The following TMC6 variants were observed in gnomAD, a reference collection of about 807,000 sequenced individuals.
The protein encoded by TMC6 is transmembrane channel-like protein 6.
Under a neutral mutation model 95.4 loss-of-function variants are expected in TMC6, and 71 were observed. The ratio of observed to expected loss-of-function variants is 0.74; its 90% CI spans 0.61 to 0.91. The LOEUF is 0.91. Ranked by LOEUF, TMC6 falls within the 40% of genes least tolerant of loss-of-function variation. The pLI, the probability that TMC6 is intolerant of heterozygous loss-of-function variation, is 0.00. For missense variants in TMC6, 1,074 were observed against 1,079.1 expected (o/e 1.00, Z 0.07); for synonymous variants, 514 against 483.1 (o/e 1.06, Z -0.84).
chr17:78,124,703 C>G lies in TMC6; in HGVS notation c.712G>C (p.Gly238Arg). 1 of 1,598,742 alleles carries G rather than the reference C, an allele frequency of 6.3e-7. No individual in the cohort carries two copies. The highest frequency in any genetic ancestry group is 8.5e-7 in the Non-Finnish European group (1 of 1,173,154). Residue 238 changes from glycine (G) to arginine (R), a missense_variant, in exon 8 of 20, where the codon GGG becomes CGG. Transcript: ENST00000590602. ...AGCACGCTGGAGCCGAACTGGCCCC[C>G]GATGCGCTTCAGGGCGTAGCGCCAC... ...MPWRYALKRI[G>R]GQFGSSVLSY...
chr17:78,124,251 CA>C (rs1266746564), intron 8 of TMC6, 72 bp from the exon 9 acceptor site: 47 of 1,582,126 alleles, frequency 3.0e-5, no homozygotes, highest in Non-Finnish European at 4.1e-5. Context: ...CTGACAGCCA[CA>C]GGGGCAGAGC....
At chr17:78,123,461 G>A (rs757829480) in intron 9 of TMC6, among the ~76,000 whole-genome samples, 54 of 151,962 alleles carry the variant, frequency 3.6e-4, no homozygotes, top group Non-Finnish European at 6.6e-4. Flanking sequence ...ATGGATGCGT[G>A]GATGAATGAG....
At position 78,111,739 on chromosome 17, in the gene TMC6, G is replaced by C. The variant is rs1442004357; in HGVS notation, c.*1409C>G. On this transcript the variant is annotated 3_prime_UTR_variant, in exon 20 of 20. Transcript: ENST00000590602. Reference sequence around the variant, plus strand: ...CGTGGGGGTCTGCTAGCAGCCAGTGGCATCTCCATCTGGGTCTGACCCTTT... The same window carrying C: ...CGTGGGGGTCTGCTAGCAGCCAGTGCCATCTCCATCTGGGTCTGACCCTTT... 5.7e-6 allele frequency: 1 copy of C among 174,480 alleles called. No individual in the cohort carries two copies. Among genetic ancestry groups the C allele is most frequent in the African/African-American group, 2.4e-5 (1 of 41,614 alleles). 10.8% of individuals were successfully genotyped at this position (174,480 alleles called of 1,614,324 possible).
chr17:78,114,623 G>A (rs1301326314), intron 18 of TMC6, among the ~76,000 whole-genome samples: 4 of 152,056 alleles, frequency 2.6e-5, no homozygotes, highest in African/African-American at 9.7e-5. Flanking sequence ...ACAGAGAACA[G>A]GAGTTCTGTC....
At chr17:78,132,172 G>A, upstream of TMC6, 1 of 1,412,388 alleles carries the variant, frequency 7.1e-7, no homozygotes, top group Middle Eastern at 2.0e-4. Context: ...CACCCCTTCC[G>A]CCCGCAGGCA....
chr17:78,120,648 C>A lies in TMC6; in HGVS notation c.1715+5G>T. 1.2e-6 allele frequency: 2 copies of A among 1,614,040 alleles called. No individual in the cohort carries two copies. The highest frequency in any genetic ancestry group is 1.7e-6 in the Non-Finnish European group (2 of 1,180,020). On this transcript the variant is annotated splice_donor_5th_base_variant and intron_variant, in intron 13 of 19. Coordinates refer to ENST00000590602, the MANE Select transcript of TMC6 (RefSeq NM_001127198.5). ...CACCACCCAGTCCGCCCAGGACCCCCTCACCTCCACACCAGTTCCCCAAAA... is the reference window on the plus strand; with the variant it reads ...CACCACCCAGTCCGCCCAGGACCCCATCACCTCCACACCAGTTCCCCAAAA...
chr17:78,113,192 C>G lies in TMC6; in HGVS notation c.2374G>C (p.Ala792Pro). Residue 792 changes from alanine to proline, a missense_variant, in exon 20 of 20, where the codon GCT becomes CCT. Physicochemically the swap from Ala to Pro is conservative, Grantham distance 27 (BLOSUM62 -1). Coordinates refer to ENST00000590602, the MANE Select transcript of TMC6 (RefSeq NM_001127198.5). ...GTGAGCAGGGCAGGGGGTGCCGCAG[C>G]CTCCTCGGTTGTCCCAACCCTGCCA... Reference protein sequence around the residue: ...ERSRVGTTEEAAAPPALLTDE... With the variant: ...ERSRVGTTEEPAAPPALLTDE... The G allele has an allele frequency of 6.4e-7, 1 of 1,557,264 alleles. No individual in the cohort carries two copies. The highest frequency in any genetic ancestry group is 8.7e-7 in the Non-Finnish European group (1 of 1,149,424).
rs373629998 is a variant in TMC6, at chr17:78,119,415, G to C, written c.1716-23C>G. 157 of 1,612,932 alleles carry C rather than the reference G, an allele frequency of 9.7e-5. No homozygotes were observed. The African/African-American group carries it at 1.7e-3, about 17-fold the overall frequency. On this transcript the variant is annotated intron_variant, in intron 13 of 19. Coordinates refer to ENST00000590602, the MANE Select transcript of TMC6 (RefSeq NM_001127198.5). ...ATCCTGCCTCCGAGGACCCCGGATC[G>C]TTAGATGGGAAAGCCATGCCCAGGG...
rs368037760 is a variant in TMC6, at chr17:78,126,536, G to A, written c.169C>T (p.Arg57Trp). The change falls in exon 3 of 20, where the codon CGG (arginine) becomes TGG (tryptophan). Residue 57 changes from arginine (R) to tryptophan (W), a missense_variant. Transcript: ENST00000590602. Reference sequence around the variant, plus strand: ...GGCCTGAGCTCACCTGTCACCTCCCGCTCTCTCTGCTGCAGCTCCAGCCCC... The same window carrying A: ...GGCCTGAGCTCACCTGTCACCTCCCACTCTCTCTGCTGCAGCTCCAGCCCC... ...QEGLELQQREREVTGSSQQTL... is the reference protein window; with the variant it reads ...QEGLELQQREWEVTGSSQQTL... The A allele has an allele frequency of 1.2e-5, 20 of 1,613,364 alleles. No homozygotes were observed. The highest frequency in any genetic ancestry group is 8.8e-5 in the South Asian group (8 of 91,080).
At chr17:78,120,905 G>C in intron 12 of TMC6, 73 bp from the exon 13 acceptor site, 4 of 1,611,430 alleles carry the variant, frequency 2.5e-6, no homozygotes, top group Non-Finnish European at 3.4e-6. Context: ...GCCCCCACCA[G>C]GGGCTTGGTC....
rs201062684 is a variant in TMC6, at chr17:78,114,135, G to GC, written c.2278-512dup. On this transcript the variant is annotated intron_variant, in intron 18 of 19. Transcript: ENST00000590602. ...TGGGCTCCAGTCAAGCATGATCAGG[G>GC]CTACATTCCTCCCGGAGGCTTCGGG... Among the ~76,000 whole-genome samples the GC allele has an allele frequency of 3.5e-4, 54 of 152,268 alleles. No individual in the cohort carries two copies. In the East Asian group the frequency reaches 0.01, roughly 29 times the overall value.
Position 78,117,852 on chromosome 17 carries a change from G to A in TMC6, c.1971C>T (p.Cys657=). The change falls in exon 16 of 20, where the codon TGC becomes TGT. Residue 657 remains cysteine (C), a synonymous_variant. Transcript: ENST00000590602. The part of the protein sequence containing the change: ...HMSTVFLTLL[C]FPAFLGAAVF... ...CAGCGGCGCCCAGGAAGGCGGGGAA[G>A]CAGAGCAGCGTGAGGAAGACGGTGC... The A allele has an allele frequency of 6.2e-7, 1 of 1,608,124 alleles. No homozygotes were observed. The highest frequency in any genetic ancestry group is 1.7e-4 in the Middle Eastern group (1 of 6,048).
rs146359867 is a variant in TMC6, at chr17:78,121,881, C to T, written c.1228-170G>A. ...GCCCTTTCATCTGCTGAGGGCCCTC[C>T]CTCCAGGCGCAGAGAGGACCCAGTC... On this transcript the variant is annotated intron_variant, in intron 10 of 19. Coordinates refer to ENST00000590602, the MANE Select transcript of TMC6 (RefSeq NM_001127198.5). This position sits in a 1 kb window ranked among gnomAD's most constrained non-coding sequence, Gnocchi z 5.6. 6.6e-6 allele frequency among the ~76,000 whole-genome samples: 1 copy of T among 152,294 alleles called. No individual in the cohort carries two copies. The highest frequency in any genetic ancestry group is 1.9e-4 in the East Asian group (1 of 5,164).
Position 78,113,199 on chromosome 17 carries a change from G to A in TMC6, c.2367C>T (p.Thr789=), listed in dbSNP as rs747353503. Residue 789 remains threonine, a synonymous_variant, in exon 20 of 20, where the codon ACC becomes ACT. Transcript: ENST00000590602. The part of the protein sequence containing the change: ...EREERSRVGT[T]EEAAAPPALL... ...GGGCAGGGGGTGCCGCAGCCTCCTC[G>A]GTTGTCCCAACCCTGCCAGAAAGAG... 1.9e-5 allele frequency: 29 copies of A among 1,556,632 alleles called. No individual in the cohort carries two copies. Among genetic ancestry groups the A allele is most frequent in the Middle Eastern group, 1.7e-4 (1 of 5,996 alleles).
At chr17:78,119,851 T>C in intron 13 of TMC6, 2 of 345,930 alleles carry the variant, frequency 5.8e-6, no homozygotes, top group Non-Finnish European at 1.1e-5. Context: ...TCTCACTCTG[T>C]TGCCGAGGCT....
chr17:78,124,390 G>T, intron 8 of TMC6, 134 bp downstream of exon 8: 1 of 1,446,690 alleles, frequency 6.9e-7, no homozygotes, highest in Non-Finnish European at 9.4e-7. Flanking sequence ...GAGGCGGGGA[G>T]CTGGCTGTGG....
At position 78,109,377 on chromosome 17, in the gene TMC6, G is replaced by C. The variant is rs572502733; in HGVS notation, c.*3771C>G. ...CCAAGAAAACCTACGCAGGATCCAC[G>C]TGGAAACAAAGCTGCTTAGCTCTGC... On this transcript the variant is annotated 3_prime_UTR_variant, in exon 20 of 20. Transcript: ENST00000590602. 6.7e-5 allele frequency: 30 copies of C among 448,490 alleles called. No homozygotes were observed. The highest frequency in any genetic ancestry group is 6.1e-4 in the African/African-American group (30 of 49,550). 27.8% of individuals were successfully genotyped at this position (448,490 alleles called of 1,614,324 possible).
rs2073774061 is a variant in TMC6, at chr17:78,109,184, A to G, written c.*3964T>C. 2 of 334,684 alleles carry G rather than the reference A, an allele frequency of 6.0e-6. No homozygotes were observed. Among genetic ancestry groups the G allele is most frequent in the African/African-American group, 4.3e-5 (2 of 46,380 alleles). The allele number at this position is 334,684 out of a possible 1,614,324, so 20.7% of individuals were successfully genotyped here. On this transcript the variant is annotated 3_prime_UTR_variant, in exon 20 of 20. Coordinates refer to ENST00000590602, the MANE Select transcript of TMC6 (RefSeq NM_001127198.5). Reference sequence around the variant, plus strand: ...GGTAAAGGCAGAAAGCACAGTGCCCAGCAGCTAGCAGTGTGGCGTGCCAAG... The same window carrying G: ...GGTAAAGGCAGAAAGCACAGTGCCCGGCAGCTAGCAGTGTGGCGTGCCAAG...
Position 78,126,616 on chromosome 17 carries a change from A to C in TMC6, c.89T>G (p.Val30Gly), listed in dbSNP as rs2074730328. ...QGPSPYDESEVHDSFQQLIQE... is the reference protein window; with the variant it reads ...QGPSPYDESEGHDSFQQLIQE... ...GATGAGCTGCTGGAAGGAGTCGTGCACTTCGCTTTCATCATAGGGGCTGGG... is the reference window on the plus strand; with the variant it reads ...GATGAGCTGCTGGAAGGAGTCGTGCCCTTCGCTTTCATCATAGGGGCTGGG... Residue 30 changes from valine (V) to glycine (G), a missense_variant, in exon 3 of 20, where the codon GTG becomes GGG. Val to Gly is a moderately radical substitution (Grantham distance 109). Transcript: ENST00000590602. 6.2e-7 allele frequency: 1 copy of C among 1,613,384 alleles called. No homozygotes were observed. The highest frequency in any genetic ancestry group is 1.3e-5 in the African/African-American group (1 of 74,870).
Sources: gnomAD v4.1 joint callset for allele counts (sites outside exome capture counted in the v4.1 genomes callset) on GRCh38, gnomAD v4.1.1 for gene constraint, Gnocchi (gnomAD v3.1) non-coding constraint, MANE v1.5 for transcripts, NCBI Gene and HGNC (gene_info 2026-07-23, HGNC 2026-07-21) for gene names.